Variants in ZNF280D observed in about 807,000 individuals in gnomAD.
The protein encoded by ZNF280D is zinc finger protein 280D.
ZNF280D carries 39 observed loss-of-function variants against 94.7 expected under a neutral mutation model. The observed-to-expected ratio is 0.41, with a 90% confidence interval of 0.32 to 0.54. ZNF280D has a LOEUF of 0.54. ZNF280D is among the 20% of genes least tolerant of loss of function. The pLI is 0.22. For synonymous variants in ZNF280D, 398 were observed against 377.6 expected (o/e 1.05, Z -0.63); for missense variants, 1,090 against 1,149.3 (o/e 0.95, Z 0.75).
At chr15:56,653,906 T>C (rs970520629) in intron 19 of ZNF280D, 4 of 1,265,838 alleles carry the variant, frequency 3.2e-6, no homozygotes, top group African/African-American at 1.6e-5. Context: ...CTAGTCCCAT[T>C]TGAAAGCTGA....
At chr15:56,675,551 AT>A (rs2055172143) in intron 13 of ZNF280D, among the ~76,000 whole-genome samples, 1 of 151,924 alleles carries the variant, frequency 6.6e-6, no homozygotes, top group Non-Finnish European at 1.5e-5. Context: ...GACTTGAGAG[AT>A]TTACAGGTAA....
intron 1 of ZNF280D, chr15:56,724,892 GAATGT>G: frequency 2.2e-6 from 1 of 453,074 alleles, no homozygotes; most frequent in Non-Finnish European, 4.4e-6. Context: ...TTTTCTCATG[GAATGT>G]AAGAAAGCTA....
intron 19 of ZNF280D, among the ~76,000 whole-genome samples, chr15:56,646,803 A>G (rs1415555584): frequency 6.6e-6 from 1 of 152,228 alleles, no homozygotes; most frequent in African/African-American, 2.4e-5. Flanking sequence ...ATGAAAGGGA[A>G]AGAGGCAAGG....
At chr15:56,730,989 T>C (rs2058854646) in intron 1 of ZNF280D, among the ~76,000 whole-genome samples, 2 of 152,232 alleles carry the variant, frequency 1.3e-5, no homozygotes, top group African/African-American at 4.8e-5. Context: ...CTACTTTATG[T>C]GCCTTTGGAT....
chr15:56,727,130 G>A (rs942367926), intron 1 of ZNF280D, among the ~76,000 whole-genome samples: 1 of 152,174 alleles, frequency 6.6e-6, no homozygotes, highest in Non-Finnish European at 1.5e-5. Context: ...TCTCTGCCTT[G>A]ACTCTCAATC....
At chr15:56,658,684 C>T (rs1420775970) in intron 16 of ZNF280D, among the ~76,000 whole-genome samples, 198 bp from the exon 17 acceptor site, 5 of 152,028 alleles carry the variant, frequency 3.3e-5, no homozygotes, top group African/African-American at 1.2e-4. Context: ...TCTAATGACA[C>T]TATTTTCCTA....
At chr15:56,733,228 G>GGCT (rs1333886944) in intron 1 of ZNF280D, among the ~76,000 whole-genome samples, 26 of 152,270 alleles carry the variant, frequency 1.7e-4, no homozygotes, top group African/African-American at 5.5e-4. Context: ...CAGCCGAGGC[G>GGCT]GCTGCCGCGT....
intron 17 of ZNF280D, among the ~76,000 whole-genome samples, chr15:56,658,056 A>T (rs973870818): frequency 3.3e-5 from 5 of 152,192 alleles, no homozygotes; most frequent in African/African-American, 1.2e-4. Flanking sequence ...AACATAGATG[A>T]ATTTTGAAAA....
intron 17 of ZNF280D, chr15:56,654,782 T>G (rs12911381): frequency 0.54 from 270,381 of 498,590 alleles, 76,731 homozygotes; most frequent in East Asian, 0.61. Context: ...GAGTCAGTCT[T>G]GGCTCCACAA....
chr15:56,693,427 C>T (rs1232344871), intron 6 of ZNF280D, among the ~76,000 whole-genome samples: 3 of 151,810 alleles, frequency 2.0e-5, no homozygotes, highest in Admixed American at 1.3e-4. Context: ...GCTACTTTGC[C>T]AAAATTATCA....
At chr15:56,721,239 G>C (rs991960828) in intron 1 of ZNF280D, among the ~76,000 whole-genome samples, 1 of 152,130 alleles carries the variant, frequency 6.6e-6, no homozygotes, top group Non-Finnish European at 1.5e-5. Flanking sequence ...CCAAAGTGTT[G>C]CGATTACAGG....
chr15:56,635,201 G>T lies in ZNF280D; in HGVS notation c.2309C>A (p.Ser770Tyr). 1.3e-6 allele frequency: 2 copies of T among 1,546,386 alleles called. No homozygotes were observed. The highest frequency in any genetic ancestry group is 1.2e-5 in the South Asian group (1 of 81,062). The change falls in exon 21 of 22, where the codon TCT becomes TAT. Residue 770 changes from serine to tyrosine, a missense_variant. Coordinates refer to ENST00000267807, the MANE Select transcript of ZNF280D (RefSeq NM_017661.4). ...MAERETETSN[S>Y]ESKQDKAASS... ...AGTTTTTCCTTATATTTACCTTTCA[G>T]AATTTGATGTTTCTGTTTCTCTTTC... is the stretch of plus-strand genomic sequence containing the variant.
Position 56,703,758 on chromosome 15 carries a change from G to A in ZNF280D, c.175+363C>T, listed in dbSNP as rs528730019. ...AGTGCCAGCTACTTGGGAAGCTGAG[G>A]TGGGAGGATCGCTTGAGCCAAGGAG... On this transcript the variant is annotated intron_variant, in intron 4 of 21. Transcript: ENST00000267807. Among the ~76,000 whole-genome samples, 23 of 152,166 alleles carry A rather than the reference G, an allele frequency of 1.5e-4. 1 individual carries two copies. The highest frequency in any genetic ancestry group is 5.3e-4 in the African/African-American group (22 of 41,508).
At chr15:56,675,574 T>C (rs1418778630) in intron 13 of ZNF280D, among the ~76,000 whole-genome samples, 1 of 152,044 alleles carries the variant, frequency 6.6e-6, no homozygotes, top group Non-Finnish European at 1.5e-5. Context: ...TCTTACTATA[T>C]GTAATTTACT....
chr15:56,641,527 T>C (rs2140546996), intron 20 of ZNF280D, among the ~76,000 whole-genome samples: 1 of 152,090 alleles, frequency 6.6e-6, no homozygotes, highest in East Asian at 1.9e-4. Context: ...GTGATTTTAA[T>C]GTCGTTTTTA....
At chr15:56,707,988 T>C (rs2057518894) in intron 1 of ZNF280D, among the ~76,000 whole-genome samples, 1 of 152,052 alleles carries the variant, frequency 6.6e-6, no homozygotes, top group Non-Finnish European at 1.5e-5. Context: ...ACTGGGAATC[T>C]GTTTTTTGAA....
chr15:56,681,794 C>T (rs2055636092), intron 10 of ZNF280D, among the ~76,000 whole-genome samples: 2 of 151,978 alleles, frequency 1.3e-5, no homozygotes, highest in African/African-American at 4.8e-5. Context: ...ATCTCTAAAA[C>T]TGATAATTTT....
At chr15:56,654,864 T>C in intron 17 of ZNF280D, 1 of 459,480 alleles carries the variant, frequency 2.2e-6, no homozygotes, top group Non-Finnish European at 4.4e-6. Context: ...ACATAGCGTA[T>C]TCATTCACTT....
At chr15:56,726,825 C>G (rs1293689296) in intron 1 of ZNF280D, among the ~76,000 whole-genome samples, 1 of 152,148 alleles carries the variant, frequency 6.6e-6, no homozygotes, top group African/African-American at 2.4e-5. Flanking sequence ...GAAAACAATT[C>G]CTCTATCACC....
Sources: allele counts gnomAD v4.1 joint callset (sites outside exome capture counted in the v4.1 genomes callset), GRCh38; gene constraint gnomAD v4.1.1; transcripts MANE v1.5; gene names NCBI Gene and HGNC (gene_info 2026-07-23, HGNC 2026-07-21).